The following SNTB1 variants were observed in gnomAD, a reference collection of about 807,000 sequenced individuals.
SNTB1 encodes the protein syntrophin beta 1.
Under a neutral mutation model 48.9 loss-of-function variants are expected in SNTB1, and 36 were observed. That is an observed-to-expected ratio of 0.74 (90% CI 0.56 to 0.97). The LOEUF (loss-of-function observed/expected upper bound fraction) is 0.97, where lower values mean the gene tolerates loss of function less well. Among genes scored for constraint, SNTB1 ranks in the 50% least tolerant of loss-of-function variants. SNTB1 has a pLI of 0.00. For synonymous variants in SNTB1, 299 were observed against 294.6 expected (o/e 1.01, Z -0.15); for missense variants, 786 against 703.4 (o/e 1.12, Z -1.33).
chr8:120,683,436 C>T (rs1465143226), intron 2 of SNTB1, among the ~76,000 whole-genome samples: 1 of 150,818 alleles, frequency 6.6e-6, no homozygotes, highest in Non-Finnish European at 1.5e-5. Context: ...GCTGATCTTA[C>T]AAGAAAGAAA....
chr8:120,727,553 A>C (rs1464321363), intron 1 of SNTB1, among the ~76,000 whole-genome samples: 1 of 152,080 alleles, frequency 6.6e-6, no homozygotes, highest in African/African-American at 2.4e-5. Flanking sequence ...CAATAGTAAT[A>C]CTCCATAAAT....
intron 3 of SNTB1, among the ~76,000 whole-genome samples, chr8:120,577,601 C>T (rs976120418): frequency 6.6e-6 from 1 of 152,166 alleles, no homozygotes; most frequent in Admixed American, 6.5e-5. Flanking sequence ...AAATGATCCT[C>T]CCAAAGTGAC....
chr8:120,736,082 G>A (rs1818938153), intron 1 of SNTB1, among the ~76,000 whole-genome samples: 1 of 152,130 alleles, frequency 6.6e-6, no homozygotes, highest in Non-Finnish European at 1.5e-5. Flanking sequence ...GGGGAAGCAA[G>A]GCACCTTCTT....
chr8:120,561,767 A>G (rs1815664557), intron 4 of SNTB1, among the ~76,000 whole-genome samples: 2 of 152,218 alleles, frequency 1.3e-5, no homozygotes, highest in East Asian at 3.9e-4. Context: ...ATCAGCTCTT[A>G]TAACACTCGG....
intron 4 of SNTB1, chr8:120,571,221 CT>C (rs1815836500): frequency 7.9e-7 from 1 of 1,265,518 alleles, no homozygotes; most frequent in Non-Finnish European, 1.0e-6. Context: ...CTTATTTCAA[CT>C]TTTGTTTCTG....
At chr8:120,629,423 C>T (rs10098318) in intron 3 of SNTB1, among the ~76,000 whole-genome samples, 3,046 of 152,084 alleles carry the variant, frequency 0.02, 97 homozygotes, top group African/African-American at 0.071. Flanking sequence ...GTGACTGTGA[C>T]AAATTTACAA....
chr8:120,582,943 T>C lies in SNTB1; in HGVS notation c.997-7718A>G, dbSNP rs6981454. On this transcript the variant is annotated intron_variant, in intron 3 of 6. Coordinates refer to ENST00000517992, the MANE Select transcript of SNTB1 (RefSeq NM_021021.4). ...GAATTTAAAGTAAAATTAAAAAAAA[T>C]GAAACAGGGGACATCACTACATAGT... 2.6e-5 allele frequency among the ~76,000 whole-genome samples: 4 copies of C among 151,788 alleles called. No individual in the cohort carries two copies. In the East Asian group the frequency reaches 7.8e-4, roughly 29 times the overall value.
intron 1 of SNTB1, among the ~76,000 whole-genome samples, chr8:120,752,491 A>G (rs1819236971): frequency 1.3e-5 from 2 of 152,106 alleles, no homozygotes. Context: ...CACACTCACA[A>G]CTATGTTCAT....
intron 3 of SNTB1, among the ~76,000 whole-genome samples, chr8:120,579,291 A>G (rs1465842353): frequency 1.3e-5 from 2 of 152,220 alleles, no homozygotes; most frequent in African/African-American, 4.8e-5. Flanking sequence ...CTGAGACTTT[A>G]TGTCTTCATC....
At chr8:120,543,013 A>G (rs1041749940) in intron 5 of SNTB1, among the ~76,000 whole-genome samples, 1 of 152,152 alleles carries the variant, frequency 6.6e-6, no homozygotes, top group African/African-American at 2.4e-5. Context: ...CATGGGTGGT[A>G]TCCACATGGT....
intron 2 of SNTB1, among the ~76,000 whole-genome samples, chr8:120,641,774 T>G (rs1817200468): frequency 6.6e-6 from 1 of 152,206 alleles, no homozygotes; most frequent in Non-Finnish European, 1.5e-5. Flanking sequence ...TCCCAGAAAT[T>G]CCTTTTGTAT....
chr8:120,645,448 A>T (rs1385264703), intron 2 of SNTB1, among the ~76,000 whole-genome samples: 1 of 151,146 alleles, frequency 6.6e-6, no homozygotes, highest in African/African-American at 2.4e-5. Context: ...TGTTTTTCTC[A>T]GGTTTGTCAA....
At chr8:120,539,378 A>G (rs1272496271) in intron 6 of SNTB1, among the ~76,000 whole-genome samples, 1 of 152,212 alleles carries the variant, frequency 6.6e-6, no homozygotes, top group Non-Finnish European at 1.5e-5. Flanking sequence ...ACCATCTTGG[A>G]TAAGTCTCTT....
chr8:120,592,954 C>T (rs1011448921), intron 3 of SNTB1, among the ~76,000 whole-genome samples: 3 of 152,158 alleles, frequency 2.0e-5, no homozygotes, highest in Non-Finnish European at 4.4e-5. Flanking sequence ...GCATATGATC[C>T]TTTCCCCACA....
chr8:120,810,540 C>T (rs1314238916), intron 1 of SNTB1, among the ~76,000 whole-genome samples: 1 of 152,314 alleles, frequency 6.6e-6, no homozygotes, highest in East Asian at 1.9e-4. Context: ...AAAACGCAGA[C>T]AGAAAAATCA....
At chr8:120,552,373 T>G (rs983931888) in intron 4 of SNTB1, among the ~76,000 whole-genome samples, 7 of 152,008 alleles carry the variant, frequency 4.6e-5, no homozygotes, top group African/African-American at 1.7e-4. Context: ...GAAGAAGGCT[T>G]TTATTTATTT....
intron 4 of SNTB1, among the ~76,000 whole-genome samples, chr8:120,549,228 G>A (rs1321393225): frequency 6.6e-6 from 1 of 152,184 alleles, no homozygotes; most frequent in East Asian, 1.9e-4. Context: ...AAATAAATGT[G>A]ACGGAGAAAA....
chr8:120,541,916 G>T lies in SNTB1; in HGVS notation c.1418C>A (p.Ala473Asp), dbSNP rs771346145. Residue 473 changes from alanine to aspartate, a missense_variant, in exon 6 of 7, where the codon GCC becomes GAC. By Grantham distance (126) the Ala-to-Asp change is moderately radical. Coordinates refer to ENST00000517992, the MANE Select transcript of SNTB1 (RefSeq NM_021021.4). ...FSITTEPQEG[A>D]FPKTIIQSPY... ...AGACTGTATGATGGTCTTGGGAAAGGCACCCTCCTGTGGTTCAGTGGTAAT... is the reference window on the plus strand; with the variant it reads ...AGACTGTATGATGGTCTTGGGAAAGTCACCCTCCTGTGGTTCAGTGGTAAT... The T allele has an allele frequency of 4.3e-6, 7 of 1,613,756 alleles. No individual in the cohort carries two copies. Among genetic ancestry groups the T allele is most frequent in the Admixed American group, 1.7e-5 (1 of 60,018 alleles).
intron 1 of SNTB1, among the ~76,000 whole-genome samples, chr8:120,712,101 A>T (rs1263858442): frequency 6.6e-6 from 1 of 152,116 alleles, no homozygotes; most frequent in Non-Finnish European, 1.5e-5. Context: ...CTTGGAATAA[A>T]TTTTCTTTCA....
Sources: gnomAD v4.1 joint callset for allele counts (sites outside exome capture counted in the v4.1 genomes callset) on GRCh38, gnomAD v4.1.1 for gene constraint, MANE v1.5 for transcripts, NCBI Gene and HGNC (gene_info 2026-07-23, HGNC 2026-07-21) for gene names.